The following PDS5B variants were observed in gnomAD, a reference collection of about 807,000 sequenced individuals.
PDS5B encodes the protein sister chromatid cohesion protein PDS5 homolog B.
Under a neutral mutation model 184.1 loss-of-function variants are expected in PDS5B, and 51 were observed. The ratio of observed to expected loss-of-function variants is 0.28; its 90% CI spans 0.22 to 0.35. The LOEUF (loss-of-function observed/expected upper bound fraction) is 0.35. Among genes scored for constraint, PDS5B ranks in the 10% least tolerant of loss-of-function variants. The pLI is 1.00. For missense variants in PDS5B, 1,180 were observed against 1,723.3 expected (o/e 0.68, Z 5.58); for synonymous variants, 566 against 569.2 (o/e 0.99, Z 0.08).
chr13:32,696,811 T>G (rs374152368), intron 14 of PDS5B, 43 bp from the exon 15 acceptor site: 154 of 1,425,556 alleles, frequency 1.1e-4, no homozygotes, highest in Non-Finnish European at 1.5e-4. Context: ...GAAGTTTTCT[T>G]GTTAGGGAAT....
rs1954916440 is a variant in PDS5B, at chr13:32,775,107, T to TTTTTTTA, written c.*60_*61insTATTTTT. On this transcript the variant is annotated 3_prime_UTR_variant, in exon 35 of 35. Transcript: ENST00000315596. Reference sequence around the variant, plus strand: ...AAGCTTTGGAAAAATCTTTTTTTTTTTTTTTGGTCAAGCTTGAGGCTGAAT... The same window carrying TTTTTTTA: ...AAGCTTTGGAAAAATCTTTTTTTTTTTTTTTTATTTTTGGTCAAGCTTGAGGCTGAAT... 6.5e-7 allele frequency: 1 copy of TTTTTTTA among 1,529,712 alleles called. No individual in the cohort carries two copies. Among genetic ancestry groups the TTTTTTTA allele is most frequent in the Non-Finnish European group, 8.9e-7 (1 of 1,118,614 alleles). The allele number at this position is 1,529,712 out of a possible 1,614,324, so 94.8% of individuals were successfully genotyped here. A position where few individuals can be genotyped will look rare whatever the true frequency, so the allele number is the denominator to read the frequency against.
At chr13:32,670,546 A>G (rs1265834391) in intron 7 of PDS5B, among the ~76,000 whole-genome samples, 1 of 152,166 alleles carries the variant, frequency 6.6e-6, no homozygotes, top group Non-Finnish European at 1.5e-5. Context: ...TTTTTTTTAA[A>G]TAGAATTTGT....
Position 32,671,676 on chromosome 13 carries a change from A to G in PDS5B, c.706-1540A>G, listed in dbSNP as rs549524447. Among the ~76,000 whole-genome samples, 339 of 152,316 alleles carry G rather than the reference A, an allele frequency of 2.2e-3. 1 individual carries two copies. Among genetic ancestry groups the G allele is most frequent in the Non-Finnish European group, 3.7e-3 (249 of 68,014 alleles). ...GGCTAGGTAGTCTGGTCTGATTCAT[A>G]GACCTAAAAAAGTCACATAAAAACA... On this transcript the variant is annotated intron_variant, in intron 7 of 34. Transcript: ENST00000315596.
chr13:32,678,999 GA>G (rs11355777), intron 10 of PDS5B, 70 bp downstream of exon 10: 268,946 of 709,678 alleles, frequency 0.38, 56,041 homozygotes, highest in Non-Finnish European at 0.42. Context: ...TTCATAGGGG[GA>G]AAAAAAACCC....
intron 17 of PDS5B, 41 bp downstream of exon 17, chr13:32,701,479 T>A: frequency 8.4e-7 from 1 of 1,195,452 alleles, no homozygotes; most frequent in Non-Finnish European, 1.2e-6. Flanking sequence ...TGCTGTTCAT[T>A]AATGTGTACA....
At chr13:32,626,512 T>G (rs1366836301) in intron 1 of PDS5B, among the ~76,000 whole-genome samples, 1 of 152,204 alleles carries the variant, frequency 6.6e-6, no homozygotes, top group Non-Finnish European at 1.5e-5. Flanking sequence ...ATTATTGTAG[T>G]CAGTCTTTAG....
intron 3 of PDS5B, among the ~76,000 whole-genome samples, chr13:32,656,273 C>CTTTTTTTTTTTTTTTTT (rs71071057): frequency 1.0e-5 from 1 of 96,788 alleles, no homozygotes; most frequent in Admixed American, 1.3e-4. Flanking sequence ...TCTCCAGCTT[C>CTTTTTTTTTTTTTTTTT]TTTTTTTTTT....
At chr13:32,753,837 CTTATT>C (rs1193381950) in intron 25 of PDS5B, among the ~76,000 whole-genome samples, 2 of 152,088 alleles carry the variant, frequency 1.3e-5, no homozygotes, top group African/African-American at 2.4e-5. Flanking sequence ...TGAGCATTAT[CTTATT>C]TTAATTGGAA....
intron 1 of PDS5B, among the ~76,000 whole-genome samples, chr13:32,618,885 T>G (rs1273609724): frequency 2.0e-5 from 3 of 152,204 alleles, no homozygotes; most frequent in Non-Finnish European, 4.4e-5. Flanking sequence ...ATATGGATAG[T>G]TGTCACAACC....
intron 20 of PDS5B, among the ~76,000 whole-genome samples, chr13:32,733,174 A>C (rs767755465): frequency 1.2e-4 from 18 of 152,104 alleles, no homozygotes; most frequent in Non-Finnish European, 2.2e-4. Context: ...TTTTCCTCTC[A>C]ATAGTGATGA....
At chr13:32,767,936 T>C (rs1379506415) in intron 31 of PDS5B, among the ~76,000 whole-genome samples, 1 of 152,214 alleles carries the variant, frequency 6.6e-6, no homozygotes, top group African/African-American at 2.4e-5. Context: ...GCTTCTGTTA[T>C]GATAGCCCAG....
At chr13:32,695,302 A>G (rs554256288) in intron 14 of PDS5B, among the ~76,000 whole-genome samples, 1 of 151,818 alleles carries the variant, frequency 6.6e-6, no homozygotes, top group Non-Finnish European at 1.5e-5. Context: ...TTTTTCTGTG[A>G]TTATTGAGTT....
intron 1 of PDS5B, among the ~76,000 whole-genome samples, chr13:32,622,273 C>T (rs1405636011): frequency 6.6e-6 from 1 of 151,978 alleles, no homozygotes; most frequent in African/African-American, 2.4e-5. Context: ...TTCCTAATTC[C>T]TACAAGTTTT....
chr13:32,687,989 T>A (rs1434039889), intron 12 of PDS5B, among the ~76,000 whole-genome samples: 1 of 152,188 alleles, frequency 6.6e-6, no homozygotes, highest in Non-Finnish European at 1.5e-5. Context: ...TTCTTGAGGG[T>A]ATGGCATCAG....
intron 23 of PDS5B, among the ~76,000 whole-genome samples, chr13:32,745,035 A>G (rs1055924929): frequency 1.3e-5 from 2 of 152,164 alleles, no homozygotes; most frequent in Admixed American, 6.6e-5. Flanking sequence ...ATATATCACT[A>G]TATTAGGAAG....
chr13:32,598,887 C>T (rs1479729264), intron 1 of PDS5B, among the ~76,000 whole-genome samples: 2 of 151,598 alleles, frequency 1.3e-5, no homozygotes, highest in Non-Finnish European at 2.9e-5. Flanking sequence ...TCTCCTGCCT[C>T]AGCCTTCCAA....
intron 19 of PDS5B, among the ~76,000 whole-genome samples, chr13:32,719,268 A>G (rs1952585380): frequency 6.6e-6 from 1 of 152,054 alleles, no homozygotes; most frequent in Non-Finnish European, 1.5e-5. Context: ...CTGCAGCCTC[A>G]ACTTCCTGGG....
At chr13:32,624,801 G>C (rs2058347467) in intron 1 of PDS5B, among the ~76,000 whole-genome samples, 1 of 152,082 alleles carries the variant, frequency 6.6e-6, no homozygotes, top group Non-Finnish European at 1.5e-5. Flanking sequence ...ACTTTCTAGA[G>C]TCCAAGCTCA....
chr13:32,734,657 G>T (rs1953257263), intron 20 of PDS5B, among the ~76,000 whole-genome samples: 1 of 152,208 alleles, frequency 6.6e-6, no homozygotes, highest in Non-Finnish European at 1.5e-5. Flanking sequence ...AAGCCAGCCA[G>T]TGAGTAGAGC....
Sources: allele counts gnomAD v4.1 joint callset (sites outside exome capture counted in the v4.1 genomes callset), GRCh38; gene constraint gnomAD v4.1.1; transcripts MANE v1.5; gene names NCBI Gene and HGNC (gene_info 2026-07-23, HGNC 2026-07-21).